The following RETREG1 variants were observed in gnomAD, a reference collection of about 807,000 sequenced individuals.
RETREG1 encodes reticulophagy regulator 1.
In RETREG1, 44 loss-of-function variants were observed where a neutral mutation model predicts 54.8. The observed-to-expected ratio is 0.80, with a 90% CI of 0.63 to 1.03. The LOEUF is 1.03. Among genes scored for constraint, RETREG1 ranks in the 50% least tolerant of loss-of-function variants. The probability of loss-of-function intolerance (pLI) is 0.00; values close to 1 mark genes in which losing one functional copy is unlikely to be tolerated. For missense variants in RETREG1, 554 were observed against 605.1 expected (o/e 0.92, Z 0.89); for synonymous variants, 217 against 238.5 (o/e 0.91, Z 0.83).
chr5:16,560,504 G>A (rs1053927787), intron 3 of RETREG1, among the ~76,000 whole-genome samples: 1 of 152,192 alleles, frequency 6.6e-6, no homozygotes, highest in Admixed American at 6.5e-5. Context: ...AAAAGGCTTG[G>A]CTTATCCTGA....
At chr5:16,570,699 C>T (rs1461037168) in intron 2 of RETREG1, among the ~76,000 whole-genome samples, 1 of 152,142 alleles carries the variant, frequency 6.6e-6, no homozygotes, top group Non-Finnish European at 1.5e-5. Context: ...AGGACTGATC[C>T]ACAGACCAAC....
intron 3 of RETREG1, among the ~76,000 whole-genome samples, chr5:16,559,030 C>T (rs1395685082): frequency 6.6e-6 from 1 of 152,166 alleles, no homozygotes; most frequent in African/African-American, 2.4e-5. Flanking sequence ...TTTAAATGCT[C>T]CAATTTGTTC....
chr5:16,554,591 T>A (rs149586600), intron 3 of RETREG1, among the ~76,000 whole-genome samples: 186 of 148,126 alleles, frequency 1.3e-3, no homozygotes, highest in Admixed American at 1.9e-3. Context: ...AAAACACTTA[T>A]ATTCCCCTCA....
chr5:16,483,299 C>T (rs778097909), intron 4 of RETREG1, 47 bp downstream of exon 4: 1 of 1,606,660 alleles, frequency 6.2e-7, no homozygotes, highest in Non-Finnish European at 8.5e-7. Flanking sequence ...CATTTGTTTC[C>T]AAGTAACTGA....
chr5:16,493,178 C>T (rs1428750938), intron 3 of RETREG1, among the ~76,000 whole-genome samples: 1 of 152,170 alleles, frequency 6.6e-6, no homozygotes, highest in Non-Finnish European at 1.5e-5. Flanking sequence ...AAACTGAGCA[C>T]TGCTACTTCT....
intron 3 of RETREG1, among the ~76,000 whole-genome samples, chr5:16,525,175 T>A (rs536807793): frequency 7.7e-6 from 1 of 129,570 alleles, no homozygotes; most frequent in Non-Finnish European, 1.6e-5. Context: ...TGGATGTGCA[T>A]AGGGGACACT....
intron 3 of RETREG1, among the ~76,000 whole-genome samples, chr5:16,506,321 C>T (rs1328157093): frequency 6.6e-6 from 1 of 152,198 alleles, no homozygotes; most frequent in East Asian, 1.9e-4. Context: ...GAACCTGCTG[C>T]AATCAAGCTC....
At chr5:16,511,840 AAG>A (rs1740186082) in intron 3 of RETREG1, among the ~76,000 whole-genome samples, 1 of 152,134 alleles carries the variant, frequency 6.6e-6, no homozygotes, top group African/African-American at 2.4e-5. Context: ...GAGCTGGAGC[AAG>A]AGAGAGTATG....
chr5:16,610,076 C>A lies in RETREG1; in HGVS notation c.320+6576G>T, dbSNP rs368590788. Among the ~76,000 whole-genome samples the A allele has an allele frequency of 2.6e-5, 4 of 152,284 alleles. No homozygotes were observed. In the East Asian group the frequency reaches 7.7e-4, roughly 29 times the overall value. On this transcript the variant is annotated intron_variant, in intron 1 of 8. Coordinates refer to ENST00000306320, the MANE Select transcript of RETREG1 (RefSeq NM_001034850.3). ...GATGTGGATGCTGCTAGCCCAGGAC[C>A]TCACTTTGAGAGCCATGGCTCTAAC...
At chr5:16,616,621 C>A in intron 1 of RETREG1, 31 bp downstream of exon 1, 1 of 1,564,498 alleles carries the variant, frequency 6.4e-7, no homozygotes, top group South Asian at 1.2e-5. Context: ...ACCTGCCCTC[C>A]TCAGCGCCCC....
chr5:16,503,889 T>C lies in RETREG1; in HGVS notation c.459-20417A>G, dbSNP rs373065424. Among the ~76,000 whole-genome samples the C allele has an allele frequency of 5.9e-5, 9 of 152,244 alleles. No individual in the cohort carries two copies. The East Asian group carries it at 1.4e-3, about 23-fold the overall frequency. On this transcript the variant is annotated intron_variant, in intron 3 of 8. Coordinates refer to ENST00000306320, the MANE Select transcript of RETREG1 (RefSeq NM_001034850.3). ...TTTGATTCTCTTTCCAGCTTCACTT[T>C]TTTTTTCATTTTAATTTTTATTTTA...
rs546887345 is a variant in RETREG1 at position 16,567,852 on chromosome 5, T to C, written c.428-2059A>G. 5.8e-3 allele frequency among the ~76,000 whole-genome samples: 889 copies of C among 152,128 alleles called. 6 individuals carry two copies. Among genetic ancestry groups the C allele is most frequent in the African/African-American group, 0.021 (852 of 41,490 alleles). On this transcript the variant is annotated intron_variant, in intron 2 of 8. Coordinates refer to ENST00000306320, the MANE Select transcript of RETREG1 (RefSeq NM_001034850.3). ...GGCATGCACCTGTAGTCCTAGCCACTCAGGAGTCTGAGGTAGGAGGATCAC... is the reference window on the plus strand; with the variant it reads ...GGCATGCACCTGTAGTCCTAGCCACCCAGGAGTCTGAGGTAGGAGGATCAC...
chr5:16,554,556 A>T lies in RETREG1; in HGVS notation c.458+11207T>A, dbSNP rs139382399. 7.5e-3 allele frequency among the ~76,000 whole-genome samples: 1,138 copies of T among 152,338 alleles called. 11 individuals carry two copies. Among genetic ancestry groups the T allele is most frequent in the African/African-American group, 0.026 (1,088 of 41,580 alleles). ...TCATTATAGGAAAAATAATGTAATA[A>T]GGGTGAACAAAATCAAGAAAATAAA... On this transcript the variant is annotated intron_variant, in intron 3 of 8. Coordinates refer to ENST00000306320, the MANE Select transcript of RETREG1 (RefSeq NM_001034850.3).
In RETREG1 at chr5:16,478,989, T is replaced by G. The variant is rs1738654909; in HGVS notation, c.671-2A>C. 1.2e-6 allele frequency: 2 copies of G among 1,611,404 alleles called. No homozygotes were observed. Among genetic ancestry groups the G allele is most frequent in the Non-Finnish European group, 8.5e-7 (1 of 1,178,542 alleles). On this transcript the variant is annotated splice_acceptor_variant, in intron 5 of 8. Coordinates refer to ENST00000306320, the MANE Select transcript of RETREG1 (RefSeq NM_001034850.3). LOFTEE classifies it high-confidence loss of function. ...ATGGACACAAAAATGCACACAGTAC[T>G]GAAAGAAGAAAGAGAGCAGAGGTAA...
At chr5:16,546,568 A>G (rs1156912439) in intron 3 of RETREG1, among the ~76,000 whole-genome samples, 1 of 152,248 alleles carries the variant, frequency 6.6e-6, no homozygotes, top group Non-Finnish European at 1.5e-5. Context: ...GAAATAGGAG[A>G]CACATGCTTA....
chr5:16,510,516 G>A (rs1367968992), intron 3 of RETREG1, among the ~76,000 whole-genome samples: 1 of 152,050 alleles, frequency 6.6e-6, no homozygotes, highest in African/African-American at 2.4e-5. Context: ...TCGGCTGGGG[G>A]TGGTGGCTCA....
chr5:16,607,021 C>T (rs1743208674), intron 1 of RETREG1, among the ~76,000 whole-genome samples: 1 of 151,954 alleles, frequency 6.6e-6, no homozygotes, highest in African/African-American at 2.4e-5. Flanking sequence ...GCCTGGAACA[C>T]TCCCCTCCAG....
At chr5:16,559,403 C>T (rs950526461) in intron 3 of RETREG1, among the ~76,000 whole-genome samples, 1 of 152,172 alleles carries the variant, frequency 6.6e-6, no homozygotes, top group Non-Finnish European at 1.5e-5. Context: ...AAGGTAAGGC[C>T]ATCAGATGCA....
chr5:16,515,868 T>C (rs1310212319), intron 3 of RETREG1, among the ~76,000 whole-genome samples: 1 of 152,104 alleles, frequency 6.6e-6, no homozygotes, highest in Non-Finnish European at 1.5e-5. Context: ...CTAAAAACCA[T>C]GGCAGACCAA....
Sources: gnomAD v4.1 joint callset for allele counts (sites outside exome capture counted in the v4.1 genomes callset) on GRCh38, gnomAD v4.1.1 for gene constraint, MANE v1.5 for transcripts, NCBI Gene and HGNC (gene_info 2026-07-23, HGNC 2026-07-21) for gene names.